The following PHF23 variants were observed in gnomAD, a reference collection of about 807,000 sequenced individuals.
The protein encoded by PHF23 is PDH-containing protein JUNE-1.
A neutral mutation model predicts 36.0 loss-of-function variants in PHF23; 3 were observed. That is an observed-to-expected ratio of 0.08 (90% CI 0.04 to 0.22). The LOEUF (loss-of-function observed/expected upper bound fraction) is 0.22. Ranked by LOEUF, PHF23 falls within the 10% of genes least tolerant of loss-of-function variation. The pLI, the probability that PHF23 is intolerant of heterozygous loss-of-function variation, is 1.00. For missense variants in PHF23, 475 were observed against 513.6 expected, an observed-to-expected ratio of 0.92 and a Z score of 0.73; for synonymous variants, 242 against 192.5, an observed-to-expected ratio of 1.26 and a Z score of -2.13.
Position 7,236,111 on chromosome 17 carries a change from G to A in PHF23, c.816C>T (p.Val272=), listed in dbSNP as rs200258432. Reference sequence around the variant, plus strand: ...CCTCAGGGGGTGTTGGCAGCACAGGGACTGGGGCTTCACCCCCTACCACTG... The same window carrying A: ...CCTCAGGGGGTGTTGGCAGCACAGGAACTGGGGCTTCACCCCCTACCACTG... The part of the protein sequence containing the change: ...MATVVGGEAP[V]PVLPTPPEAP... Residue 272 remains valine (V), a synonymous_variant, in exon 4 of 5, where the codon GTC becomes GTT. Transcript: ENST00000320316. The surrounding 1 kb of genome is among the most constrained non-coding windows in gnomAD (Gnocchi z 5.1). 1.2e-6 allele frequency: 2 copies of A among 1,612,260 alleles called. No individual in the cohort carries two copies. The highest frequency in any genetic ancestry group is 1.7e-5 in the Admixed American group (1 of 59,830).
At chr17:7,238,265 C>G in intron 1 of PHF23, 1 of 124,220 alleles carries the variant, frequency 8.1e-6, no homozygotes. Context: ...GGAGCTCTAA[C>G]CCGGACGCGG....
intron 3 of PHF23, 51 bp downstream of exon 3, chr17:7,237,334 C>G (rs374536616): frequency 1.3e-5 from 19 of 1,456,326 alleles, no homozygotes; most frequent in Non-Finnish European, 1.7e-5. Context: ...ACAACAGTCA[C>G]TCTATAGTCC....
At chr17:7,240,244 G>A (rs2071761975), upstream of PHF23, 1 of 152,158 alleles carries the variant, frequency 6.6e-6, no homozygotes, top group Admixed American at 6.6e-5. Flanking sequence ...CACAACAAAA[G>A]CACCCTCTTT....
At position 7,235,258 on chromosome 17, in the gene PHF23, T is replaced by C. The variant is rs898512402; in HGVS notation, c.*368A>G. On this transcript the variant is annotated 3_prime_UTR_variant, in exon 5 of 5. Coordinates refer to ENST00000320316, the MANE Select transcript of PHF23 (RefSeq NM_024297.3). ...AGAAGAAAATAAATGGGGAGTGAAA[T>C]AGAAGAAAAGATGAGGGAGGGGAGT... The C allele has an allele frequency of 3.8e-6, 1 of 262,828 alleles. No individual in the cohort carries two copies. Among genetic ancestry groups the C allele is most frequent in the Non-Finnish European group, 7.5e-6 (1 of 133,790 alleles). 16.3% of individuals were successfully genotyped at this position (262,828 alleles called of 1,614,324 possible). A position where few individuals can be genotyped will look rare whatever the true frequency, so the allele number is the denominator to read the frequency against.
At chr17:7,238,948 C>T (rs2071739267) in intron 1 of PHF23, 2 of 1,501,160 alleles carry the variant, frequency 1.3e-6, no homozygotes, top group Non-Finnish European at 1.8e-6. Flanking sequence ...CCTAACCTTC[C>T]AGTTCCAGGG....
At chr17:7,238,543 G>A (rs1429069775) in intron 1 of PHF23, 2 of 1,088,630 alleles carry the variant, frequency 1.8e-6, no homozygotes, top group Admixed American at 6.1e-5. Context: ...AGCCACCGCT[G>A]CTGCCGCCGA....
chr17:7,238,784 A>T, intron 1 of PHF23: 1 of 1,522,066 alleles, frequency 6.6e-7, no homozygotes, highest in Non-Finnish European at 8.8e-7. Flanking sequence ...CTACCTGCCC[A>T]CCTCTCCGAC....
intron 1 of PHF23, 56 bp from the exon 2 acceptor site, chr17:7,237,716 C>T (rs1193802167): frequency 2.5e-5 from 40 of 1,587,096 alleles, no homozygotes; most frequent in African/African-American, 4.0e-5. Context: ...TGTAAAACTC[C>T]CCCTCTAAAC....
At position 7,235,182 on chromosome 17, in the gene PHF23, G is replaced by C. The variant is rs2071630571; in HGVS notation, c.*444C>G. 1 of 209,710 alleles carries C rather than the reference G, an allele frequency of 4.8e-6. No individual in the cohort carries two copies. Among genetic ancestry groups the C allele is most frequent in the Non-Finnish European group, 9.9e-6 (1 of 100,660 alleles). The allele number at this position is 209,710 out of a possible 1,614,324, so 13.0% of individuals were successfully genotyped here. On this transcript the variant is annotated 3_prime_UTR_variant, in exon 5 of 5. Coordinates refer to ENST00000320316, the MANE Select transcript of PHF23 (RefSeq NM_024297.3). Reference sequence around the variant, plus strand: ...GGCCAGGCTCTAGTACTCCACCTTTGAGCTGCCATGCCCAATAGGGGAAGT... The same window carrying C: ...GGCCAGGCTCTAGTACTCCACCTTTCAGCTGCCATGCCCAATAGGGGAAGT...
chr17:7,237,139 T>C (rs1333677067), intron 3 of PHF23, among the ~76,000 whole-genome samples: 2 of 152,106 alleles, frequency 1.3e-5, no homozygotes, highest in African/African-American at 2.4e-5. Flanking sequence ...CTCAAGACTA[T>C]GCCAAAATCT....
At chr17:7,237,330 G>C in intron 3 of PHF23, 55 bp downstream of exon 3, 1 of 1,413,858 alleles carries the variant, frequency 7.1e-7, no homozygotes, top group Non-Finnish European at 9.9e-7. Context: ...TTGAACAACA[G>C]TCACTCTATA....
In PHF23 at chr17:7,236,265, C is replaced by T. The variant is rs1045236496; in HGVS notation, c.662G>A (p.Arg221Gln). Residue 221 changes from arginine to glutamine, a missense_variant, in exon 4 of 5, where the codon CGG becomes CAG. Arg to Gln is a conservative substitution (Grantham distance 43). Around this residue, in one of 5 missense-constraint regions of PHF23, gnomAD observed 350 missense variants for 319.8 expected, o/e 1.09. Transcript: ENST00000320316. This position sits in a 1 kb window ranked among gnomAD's most constrained non-coding sequence, Gnocchi z 5.1. Reference protein sequence around the residue: ...KRSRIKKSKKRKLKKAERGDR... With the variant: ...KRSRIKKSKKQKLKKAERGDR... ...CCCCCGTTCTGCCTTTTTTAACTTC[C>T]GCTTCTTGCTCTTCTTGATTCGAGA... 1.2e-5 allele frequency: 20 copies of T among 1,613,320 alleles called. No individual in the cohort carries two copies. The highest frequency in any genetic ancestry group is 2.7e-5 in the African/African-American group (2 of 74,840).
intron 3 of PHF23, 24 bp downstream of exon 3, chr17:7,237,359 CAA>C (rs768304328): frequency 6.3e-7 from 1 of 1,578,984 alleles, no homozygotes. Flanking sequence ...ACACCAGCCT[CAA>C]GTCAGTAATT....
At position 7,236,636 on chromosome 17, in the gene PHF23, G is replaced by T. The variant is rs1458556311; in HGVS notation, c.291C>A (p.Ser97=). 6.2e-7 allele frequency: 1 copy of T among 1,614,174 alleles called. No homozygotes were observed. Among genetic ancestry groups the T allele is most frequent in the South Asian group, 1.1e-5 (1 of 91,082 alleles). ...GACCTGCTTGAGCTGCCCTTCTCTT[G>T]GATGACTTTGCTTTCTTAACAAAAG... The part of the protein sequence containing the change: ...IQTFVKKAKS[S]KRRAAQAGPT... Residue 97 remains serine, a synonymous_variant, in exon 4 of 5, where the codon TCC becomes TCA. Coordinates refer to ENST00000320316, the MANE Select transcript of PHF23 (RefSeq NM_024297.3). This position sits in a 1 kb window ranked among gnomAD's most constrained non-coding sequence, Gnocchi z 5.1.
chr17:7,238,511 ACTCTCT>A, intron 1 of PHF23: 1 of 507,548 alleles, frequency 2.0e-6, no homozygotes, highest in South Asian at 8.3e-5. Context: ...CCAACCAGCC[ACTCTCT>A]CTCTCTCTCC....
intron 1 of PHF23, chr17:7,238,759 C>A: frequency 6.5e-7 from 1 of 1,532,664 alleles, no homozygotes; most frequent in Non-Finnish European, 8.7e-7. Flanking sequence ...CCCAGACCCC[C>A]TCTTCTCCCC....
Position 7,237,369 on chromosome 17 carries a change from A to T in PHF23, c.159+16T>A. 6.2e-7 allele frequency: 1 copy of T among 1,600,592 alleles called. No individual in the cohort carries two copies. The highest frequency in any genetic ancestry group is 1.7e-5 in the Admixed American group (1 of 59,886). On this transcript the variant is annotated intron_variant, in intron 3 of 4. Coordinates refer to ENST00000320316, the MANE Select transcript of PHF23 (RefSeq NM_024297.3). ...CCACCACACCAGCCTCAAGTCAGTA[A>T]TTCTCTTGCCCCTACCTCTTTGCTA...
At position 7,236,135 on chromosome 17, in the gene PHF23, T is replaced by C. The variant is rs1157828041; in HGVS notation, c.792A>G (p.Thr264=). 1 of 1,610,928 alleles carries C rather than the reference T, an allele frequency of 6.2e-7. No individual in the cohort carries two copies. Among genetic ancestry groups the C allele is most frequent in the Admixed American group, 1.7e-5 (1 of 59,726 alleles). Residue 264 remains threonine (T), a synonymous_variant, in exon 4 of 5, where the codon ACA becomes ACG. Coordinates refer to ENST00000320316, the MANE Select transcript of PHF23 (RefSeq NM_024297.3). The surrounding 1 kb of genome is among the most constrained non-coding windows in gnomAD (Gnocchi z 5.1). ...GGACTGGGGCTTCACCCCCTACCAC[T>C]GTTGCCATCTCTTCTTCTTCTTCCT... ...EEEEEEEEMA[T]VVGGEAPVPV...
Position 7,238,576 on chromosome 17 carries a change from TC to T in PHF23, c.34+669del, listed in dbSNP as rs1427662192. The T allele has an allele frequency of 8.8e-4, 872 of 991,438 alleles. 2 individuals are homozygous for T. The highest frequency in any genetic ancestry group is 9.9e-4 in the Non-Finnish European group (844 of 852,940). 61.4% of individuals were successfully genotyped at this position (991,438 alleles called of 1,614,324 possible). ...CGATGCCCCCCTCACCCTCAGCAAC[TC>T]CCAGGCTCTTAACCCTCGCGGACCA... On this transcript the variant is annotated intron_variant, in intron 1 of 4. Transcript: ENST00000320316.
Sources: gnomAD v4.1 joint callset for allele counts (sites outside exome capture counted in the v4.1 genomes callset) on GRCh38, gnomAD v4.1.1 for gene constraint, gnomAD v4.1.1 regional missense constraint, Gnocchi (gnomAD v3.1) non-coding constraint, MANE v1.5 for transcripts, NCBI Gene and HGNC (gene_info 2026-07-23, HGNC 2026-07-21) for gene names.